The following CYTIP variants were observed in gnomAD, a reference collection of about 807,000 sequenced individuals.
CYTIP encodes cytohesin-interacting protein.
CYTIP carries 26 observed loss-of-function variants against 43.8 expected under a neutral mutation model. The observed-to-expected ratio is 0.59, with a 90% CI of 0.44 to 0.82. The LOEUF (loss-of-function observed/expected upper bound fraction) is 0.82, where lower values mean the gene tolerates loss of function less well. Ranked by LOEUF, CYTIP falls within the 40% of genes least tolerant of loss-of-function variation. The pLI is 0.00. For synonymous variants in CYTIP, 162 were observed against 162.9 expected (o/e 0.99, Z 0.04); for missense variants, 426 against 443.1 (o/e 0.96, Z 0.35).
rs1685427046 is a variant in CYTIP at position 157,415,618 on chromosome 2, T to A, written c.*59A>T. 3 of 1,198,020 alleles carry A rather than the reference T, an allele frequency of 2.5e-6. No homozygotes were observed. The highest frequency in any genetic ancestry group is 3.6e-6 in the Non-Finnish European group (3 of 837,742). 74.2% of individuals were successfully genotyped at this position (1,198,020 alleles called of 1,614,324 possible). ...TCTGCACTTTCCCACCAAGCTGGGA[T>A]CTGGGTGAGTCTAGAGATATTTGTG... On this transcript the variant is annotated 3_prime_UTR_variant, in exon 8 of 8. Transcript: ENST00000264192.
rs200253659 is a variant in CYTIP at position 157,415,820 on chromosome 2, T to C, written c.937A>G (p.Met313Val). The C allele has an allele frequency of 1.1e-4, 181 of 1,614,204 alleles. No individual in the cohort carries two copies. In the East Asian group the frequency reaches 3.8e-3, roughly 34 times the overall value. The change falls in exon 8 of 8, where the codon ATG becomes GTG. Residue 313 changes from methionine (M) to valine (V), a missense_variant. Met to Val is a conservative substitution (Grantham distance 21, BLOSUM62 1). Transcript: ENST00000264192. ...AAGTTGCCCTCCCACAAGGGAGACATGGATCCGCTGCTGGTGTTACTGATG... is the reference window on the plus strand; with the variant it reads ...AAGTTGCCCTCCCACAAGGGAGACACGGATCCGCTGCTGGTGTTACTGATG... ...RSISNTSSGSMSPLWEGNLSS... is the reference protein window; with the variant it reads ...RSISNTSSGSVSPLWEGNLSS...
At chr2:157,438,249 T>C (rs1419059439) in intron 1 of CYTIP, among the ~76,000 whole-genome samples, 1 of 152,108 alleles carries the variant, frequency 6.6e-6, no homozygotes, top group African/African-American at 2.4e-5. Context: ...TGGAAGACAT[T>C]ATGTTAAGTG....
chr2:157,441,812 C>G lies in CYTIP; in HGVS notation c.174+2035G>C, dbSNP rs564817717. ...CCTTTCAGTCTCCTTTCTGTTCCCCCATTTCCTCTTTCTCCAACTACTGCA... is the reference window on the plus strand; with the variant it reads ...CCTTTCAGTCTCCTTTCTGTTCCCCGATTTCCTCTTTCTCCAACTACTGCA... On this transcript the variant is annotated intron_variant, in intron 1 of 7. Transcript: ENST00000264192. 3.0e-3 allele frequency among the ~76,000 whole-genome samples: 450 copies of G among 152,274 alleles called. 1 individual carries two copies. Among genetic ancestry groups the G allele is most frequent in the Admixed American group, 5.3e-3 (81 of 15,294 alleles).
intron 1 of CYTIP, among the ~76,000 whole-genome samples, chr2:157,441,603 TACAC>T (rs35513959): frequency 0.092 from 13,583 of 148,394 alleles, 974 homozygotes; most frequent in African/African-American, 0.2. Context: ...TATATGCACA[TACAC>T]ACACACACAC....
chr2:157,436,273 G>A (rs1432392169), intron 1 of CYTIP, among the ~76,000 whole-genome samples: 1 of 152,136 alleles, frequency 6.6e-6, no homozygotes, highest in Non-Finnish European at 1.5e-5. Context: ...TACCTCGTAT[G>A]TACCGTTACC....
At chr2:157,440,297 G>C (rs1181192961) in intron 1 of CYTIP, among the ~76,000 whole-genome samples, 1 of 152,152 alleles carries the variant, frequency 6.6e-6, no homozygotes, top group Non-Finnish European at 1.5e-5. Flanking sequence ...TAATGGAGCT[G>C]AACTTAATTT....
intron 1 of CYTIP, among the ~76,000 whole-genome samples, chr2:157,441,137 CA>C (rs1685906372): frequency 6.6e-6 from 1 of 152,136 alleles, no homozygotes; most frequent in South Asian, 2.1e-4. Flanking sequence ...TTGCAGAAAC[CA>C]AAGCCAACAA....
chr2:157,434,623 G>T, intron 2 of CYTIP, 75 bp downstream of exon 2: 1 of 1,131,106 alleles, frequency 8.8e-7, no homozygotes, highest in Non-Finnish European at 1.3e-6. Context: ...GAGAGGAAGA[G>T]AGAGGAAAAA....
At chr2:157,440,092 G>A (rs1252448481) in intron 1 of CYTIP, among the ~76,000 whole-genome samples, 1 of 152,098 alleles carries the variant, frequency 6.6e-6, no homozygotes, top group African/African-American at 2.4e-5. Flanking sequence ...GGGAGGGTGC[G>A]GGGGAGAGGT....
intron 3 of CYTIP, among the ~76,000 whole-genome samples, chr2:157,432,716 T>A (rs1293968083): frequency 6.6e-6 from 1 of 152,148 alleles, no homozygotes; most frequent in Admixed American, 6.6e-5. Context: ...GTAGGCCACA[T>A]CCCAAACATG....
chr2:157,438,702 T>G (rs1685855046), intron 1 of CYTIP, among the ~76,000 whole-genome samples: 2 of 151,964 alleles, frequency 1.3e-5, no homozygotes, highest in South Asian at 2.1e-4. Flanking sequence ...CCAAAAAATT[T>G]TAAATGAAAG....
chr2:157,444,074 G>T lies in CYTIP; in HGVS notation c.-54C>A, dbSNP rs1685958665. On this transcript the variant is annotated 5_prime_UTR_variant, in exon 1 of 8. Transcript: ENST00000264192. ...ATGGTTGAGTGGCCTTGCAGGATGGGGGAAGCTAAAAGTACAACTGTGACA... is the reference window on the plus strand; with the variant it reads ...ATGGTTGAGTGGCCTTGCAGGATGGTGGAAGCTAAAAGTACAACTGTGACA... The T allele has an allele frequency of 1.3e-6, 2 of 1,564,078 alleles. No homozygotes were observed. The highest frequency in any genetic ancestry group is 1.7e-6 in the Non-Finnish European group (2 of 1,144,210).
At chr2:157,426,212 AT>A (rs1468019643) in intron 6 of CYTIP, among the ~76,000 whole-genome samples, 1 of 152,170 alleles carries the variant, frequency 6.6e-6, no homozygotes, top group Non-Finnish European at 1.5e-5. Context: ...ATTACAAAAT[AT>A]TTTTTAAGTC....
At position 157,434,714 on chromosome 2, in the gene CYTIP, A is replaced by G; in HGVS notation, c.208T>C (p.Phe70Leu). 1 of 1,611,652 alleles carries G rather than the reference A, an allele frequency of 6.2e-7. No homozygotes were observed. Among genetic ancestry groups the G allele is most frequent in the Non-Finnish European group, 8.5e-7 (1 of 1,178,678 alleles). ...ALTRSSSLSD[F>L]SWSQRKLVTV... ...TCTCTTTACCTTTGAGACCAGGAAA[A>G]GTCACTTAAAGAACTTGATCTGGTC... The change falls in exon 2 of 8, where the codon TTT (phenylalanine) becomes CTT (leucine). Residue 70 changes from phenylalanine (F) to leucine (L), a missense_variant. Physicochemically the swap from Phe to Leu is conservative, Grantham distance 22. Transcript: ENST00000264192.
chr2:157,424,180 C>G (rs900743251), intron 6 of CYTIP, among the ~76,000 whole-genome samples: 7 of 152,120 alleles, frequency 4.6e-5, no homozygotes, highest in African/African-American at 1.4e-4. Flanking sequence ...ATTATCTCTA[C>G]AGTAAATCCA....
rs1179183019 is a variant in CYTIP, at chr2:157,430,621, G to A, written c.414C>T (p.Ser138=). The A allele has an allele frequency of 6.2e-7, 1 of 1,614,132 alleles. No individual in the cohort carries two copies. The highest frequency in any genetic ancestry group is 8.5e-7 in the Non-Finnish European group (1 of 1,180,000). The change falls in exon 5 of 8, where the codon AGC becomes AGT. Residue 138 remains serine, a synonymous_variant. Transcript: ENST00000264192. Reference sequence around the variant, plus strand: ...CTTGTTTGTAGGTAAAACCTTCTGTGCTCACACCATTGATATTTGCAAGGA... The same window carrying A: ...CTTGTTTGTAGGTAAAACCTTCTGTACTCACACCATTGATATTTGCAAGGA... The part of the protein sequence containing the change: ...GDVLANINGV[S]TEGFTYKQVV...
Position 157,430,605 on chromosome 2 carries a change from A to G in CYTIP, c.430T>C (p.Tyr144His), listed in dbSNP as rs1239611764. ...INGVSTEGFT[Y>H]KQVVDLIRSS... ...CTGATCAGGTCAACGACTTGTTTGT[A>G]GGTAAAACCTTCTGTGCTCACACCA... Residue 144 changes from tyrosine (Y) to histidine (H), a missense_variant, in exon 5 of 8, where the codon TAC becomes CAC. Transcript: ENST00000264192. 3 of 1,614,226 alleles carry G rather than the reference A, an allele frequency of 1.9e-6. No individual in the cohort carries two copies. Among genetic ancestry groups the G allele is most frequent in the Non-Finnish European group, 2.5e-6 (3 of 1,180,026 alleles).
At chr2:157,431,497 C>G (rs1257258598) in intron 3 of CYTIP, among the ~76,000 whole-genome samples, 2 of 152,186 alleles carry the variant, frequency 1.3e-5, no homozygotes, top group East Asian at 3.8e-4. Flanking sequence ...TCTGAGCACC[C>G]TCTGGTATGC....
chr2:157,435,789 T>C (rs1053169308), intron 1 of CYTIP, among the ~76,000 whole-genome samples: 12 of 152,180 alleles, frequency 7.9e-5, no homozygotes, highest in African/African-American at 1.7e-4. Flanking sequence ...GATCAATGCA[T>C]AGTCAGTCCA....
Sources: allele counts gnomAD v4.1 joint callset (sites outside exome capture counted in the v4.1 genomes callset), GRCh38; gene constraint gnomAD v4.1.1; transcripts MANE v1.5; gene names NCBI Gene and HGNC (gene_info 2026-07-23, HGNC 2026-07-21).